WIPF3: variants seen among roughly 807,000 people sequenced by gnomAD.
WIPF3 encodes WAS/WASL-interacting protein family member 3.
In WIPF3, 33 loss-of-function variants were observed where a neutral mutation model predicts 38.9. That is an observed-to-expected ratio of 0.85 (90% CI 0.64 to 1.14). WIPF3 has a LOEUF of 1.14. WIPF3 is among the 50% of genes most tolerant of loss of function. The pLI, the probability that WIPF3 is intolerant of heterozygous loss-of-function variation, is 0.00. For missense variants in WIPF3, 711 were observed against 652.5 expected, an observed-to-expected ratio of 1.09 and a Z score of -0.98; for synonymous variants, 324 against 269.3, an observed-to-expected ratio of 1.20 and a Z score of -1.99.
intron 8 of WIPF3, among the ~76,000 whole-genome samples, chr7:29,910,785 C>CAT (rs1243928677): frequency 9.2e-5 from 14 of 151,884 alleles, no homozygotes; most frequent in Non-Finnish European, 1.6e-4. Context: ...TAATAAAAGC[C>CAT]ATATATGAAA....
intron 1 of WIPF3, among the ~76,000 whole-genome samples, chr7:29,810,623 T>C (rs753465990): frequency 1.9e-4 from 29 of 152,258 alleles, no homozygotes; most frequent in Non-Finnish European, 4.1e-4. Context: ...CATAACTGTA[T>C]GGATGAGATT....
chr7:29,901,845 AAAAAG>A (rs373268483), intron 7 of WIPF3, among the ~76,000 whole-genome samples: 25,495 of 74,926 alleles, frequency 0.34, 2,415 homozygotes, highest in Middle Eastern at 0.45. Context: ...AAAAAAAAAA[AAAAAG>A]AAAGAAAGAA....
chr7:29,857,562 G>C (rs1242887047), intron 2 of WIPF3, among the ~76,000 whole-genome samples: 1 of 151,860 alleles, frequency 6.6e-6, no homozygotes, highest in Non-Finnish European at 1.5e-5. Context: ...CCAATTCAAG[G>C]AGAAGACACA....
intron 1 of WIPF3, among the ~76,000 whole-genome samples, chr7:29,828,686 T>C (rs576911664): frequency 7.9e-5 from 12 of 152,348 alleles, no homozygotes; most frequent in African/African-American, 2.6e-4. Context: ...CCCAGGTCCA[T>C]GTCCTGTAGC....
At chr7:29,872,563 G>A (rs1367451135) in intron 2 of WIPF3, among the ~76,000 whole-genome samples, 1 of 152,062 alleles carries the variant, frequency 6.6e-6, no homozygotes, top group Non-Finnish European at 1.5e-5. Context: ...GGAGGCCGAG[G>A]CGGGCGGATC....
In WIPF3 at chr7:29,883,879, C is replaced by G. The variant is rs1290480775; in HGVS notation, c.385C>G (p.Arg129Gly). ...GGKTGQGPGS[R>G]APSPRLPNKT... ...CAAGACAGGGCAGGGCCCTGGCTCC[C>G]GCGCGCCCTCTCCCAGGCTTCCCAA... Residue 129 changes from arginine (R) to glycine (G), a missense_variant, in exon 5 of 9, where the codon CGC becomes GGC. Arg to Gly is a moderately radical substitution (Grantham distance 125). Coordinates refer to ENST00000242140, the MANE Select transcript of WIPF3 (RefSeq NM_001080529.3). The G allele has an allele frequency of 1.9e-6, 3 of 1,568,914 alleles. No individual in the cohort carries two copies. Among genetic ancestry groups the G allele is most frequent in the African/African-American group, 1.3e-5 (1 of 74,220 alleles).
chr7:29,902,158 G>T (rs979673645), intron 7 of WIPF3, among the ~76,000 whole-genome samples: 2 of 151,936 alleles, frequency 1.3e-5, no homozygotes, highest in African/African-American at 4.8e-5. Context: ...GGCCTAGAAG[G>T]TCTTTCTGTA....
intron 5 of WIPF3, among the ~76,000 whole-genome samples, chr7:29,885,667 T>C (rs1785860288): frequency 1.3e-5 from 2 of 151,978 alleles, no homozygotes; most frequent in Non-Finnish European, 2.9e-5. Context: ...AAATAAAAAA[T>C]TGGCTGGGCA....
chr7:29,864,471 T>C (rs1785352279), intron 2 of WIPF3, among the ~76,000 whole-genome samples: 2 of 151,742 alleles, frequency 1.3e-5, no homozygotes, highest in South Asian at 4.1e-4. Flanking sequence ...GTAATCGTAT[T>C]AAGTGTTTCC....
intron 2 of WIPF3, among the ~76,000 whole-genome samples, chr7:29,870,091 G>A (rs1785468451): frequency 1.3e-5 from 2 of 152,108 alleles, no homozygotes; most frequent in African/African-American, 4.8e-5. Context: ...TGGACTTCCA[G>A]GATCAAGAGG....
intron 1 of WIPF3, among the ~76,000 whole-genome samples, chr7:29,825,349 A>G (rs1001352847): frequency 6.6e-6 from 1 of 152,210 alleles, no homozygotes; most frequent in Non-Finnish European, 1.5e-5. Context: ...ATAAAAGTTG[A>G]AGGAAAAAAA....
At chr7:29,819,215 T>A (rs938590052) in intron 1 of WIPF3, among the ~76,000 whole-genome samples, 1 of 152,164 alleles carries the variant, frequency 6.6e-6, no homozygotes, top group Non-Finnish European at 1.5e-5. Context: ...TCTCTTTAGA[T>A]GTTCTCTCTT....
chr7:29,836,324 C>T (rs1011534131), intron 2 of WIPF3, among the ~76,000 whole-genome samples: 1 of 152,132 alleles, frequency 6.6e-6, no homozygotes, highest in Non-Finnish European at 1.5e-5. Context: ...TAAATTTAGC[C>T]AGAATAAATA....
At chr7:29,908,073 G>C (rs1333516718) in intron 8 of WIPF3, among the ~76,000 whole-genome samples, 1 of 152,140 alleles carries the variant, frequency 6.6e-6, no homozygotes, top group Non-Finnish European at 1.5e-5. Context: ...TGGCAGAATG[G>C]ATTTTTAAAA....
chr7:29,902,045 A>G (rs993470675), intron 7 of WIPF3, among the ~76,000 whole-genome samples: 1 of 151,934 alleles, frequency 6.6e-6, no homozygotes, highest in Admixed American at 6.6e-5. Flanking sequence ...TCTAGTGCGT[A>G]GAGACCGGGG....
Position 29,817,111 on chromosome 7 carries a change from A to G in WIPF3, c.-58+10433A>G, listed in dbSNP as rs368415706. On this transcript the variant is annotated intron_variant, in intron 1 of 8. Transcript: ENST00000242140. ...CATTTTCTCATTAGGAATAACATTGAGGGTCTTTGAATGTGTTTAATTGCC... is the reference window on the plus strand; with the variant it reads ...CATTTTCTCATTAGGAATAACATTGGGGGTCTTTGAATGTGTTTAATTGCC... 4.8e-4 allele frequency among the ~76,000 whole-genome samples: 73 copies of G among 152,266 alleles called. No individual in the cohort carries two copies. The South Asian group carries it at 0.015, about 31-fold the overall frequency.
chr7:29,878,063 A>G lies in WIPF3; in HGVS notation c.224-946A>G, dbSNP rs1194096477. ...AACACACAAGGATAGACAAATTTTT[A>G]AAGAAATATTTTCAACATTGAGAAA... On this transcript the variant is annotated intron_variant, in intron 3 of 8. Transcript: ENST00000242140. This position sits in a 1 kb window ranked among gnomAD's most constrained non-coding sequence, Gnocchi z 4.0. Among the ~76,000 whole-genome samples, 1 of 152,226 alleles carries G rather than the reference A, an allele frequency of 6.6e-6. No homozygotes were observed. Among genetic ancestry groups the G allele is most frequent in the Non-Finnish European group, 1.5e-5 (1 of 68,036 alleles).
At chr7:29,869,717 A>G (rs1299461789) in intron 2 of WIPF3, among the ~76,000 whole-genome samples, 1 of 152,128 alleles carries the variant, frequency 6.6e-6, no homozygotes. Flanking sequence ...TATTTTTCTG[A>G]TTATTCCCTA....
At position 29,883,842 on chromosome 7, in the gene WIPF3, A is replaced by C; in HGVS notation, c.356-8A>C. 1.3e-6 allele frequency: 2 copies of C among 1,517,226 alleles called. No homozygotes were observed. Among genetic ancestry groups the C allele is most frequent in the South Asian group, 2.6e-5 (2 of 76,214 alleles). The allele number at this position is 1,517,226 out of a possible 1,614,324, so 94.0% of individuals were successfully genotyped here. On this transcript the variant is annotated splice_polypyrimidine_tract_variant and splice_region_variant and intron_variant, in intron 4 of 8. Coordinates refer to ENST00000242140, the MANE Select transcript of WIPF3 (RefSeq NM_001080529.3). ...GCCGAGCTAACCCAGAATCTCTTTC[A>C]CTTCCAGGTGGCAAGACAGGGCAGG...
Sources: allele counts gnomAD v4.1 joint callset (sites outside exome capture counted in the v4.1 genomes callset), GRCh38; gene constraint gnomAD v4.1.1; non-coding constraint Gnocchi (gnomAD v3.1); transcripts MANE v1.5; gene names NCBI Gene and HGNC (gene_info 2026-07-23, HGNC 2026-07-21).